The following CAPZA2 variants were observed in gnomAD, a reference collection of about 807,000 sequenced individuals.
CAPZA2 encodes the protein F-actin-capping protein subunit alpha-2.
A neutral mutation model predicts 44.0 loss-of-function variants in CAPZA2; 13 were observed. The observed-to-expected ratio is 0.30, with a 90% CI of 0.19 to 0.47. The LOEUF (loss-of-function observed/expected upper bound fraction) is 0.47. Ranked by LOEUF, CAPZA2 falls within the 20% of genes least tolerant of loss-of-function variation. CAPZA2 has a pLI of 1.00. For missense variants in CAPZA2, 244 were observed against 338.6 expected, an observed-to-expected ratio of 0.72 and a Z score of 2.19; for synonymous variants, 94 against 108.2, an observed-to-expected ratio of 0.87 and a Z score of 0.81.
rs1290581100 is a variant in CAPZA2, at chr7:116,921,253, G to A, written c.*3386G>A. 2.0e-5 allele frequency: 3 copies of A among 152,366 alleles called. No homozygotes were observed. Among genetic ancestry groups the A allele is most frequent in the Admixed American group, 6.6e-5 (1 of 15,264 alleles). The allele number at this position is 152,366 out of a possible 1,614,324, so 9.4% of individuals were successfully genotyped here. On this transcript the variant is annotated 3_prime_UTR_variant, in exon 10 of 10. Coordinates refer to ENST00000361183, the MANE Select transcript of CAPZA2 (RefSeq NM_006136.3). ...ACAAAAATTAGCTGGGCGTGGTGGT[G>A]TGCCTGTAGTCCCAGCTACTAGGGA...
At chr7:116,898,538 T>C (rs532663900) in intron 3 of CAPZA2, among the ~76,000 whole-genome samples, 40 of 152,266 alleles carry the variant, frequency 2.6e-4, no homozygotes, top group African/African-American at 9.1e-4. Context: ...TTATATTTAC[T>C]GATTTAATTT....
intron 3 of CAPZA2, among the ~76,000 whole-genome samples, chr7:116,893,644 A>G (rs1318101321): frequency 6.6e-6 from 1 of 152,228 alleles, no homozygotes; most frequent in Non-Finnish European, 1.5e-5. Flanking sequence ...CAAAGTTGGA[A>G]GAAATTGTGG....
At chr7:116,902,905 G>A (rs963979535) in intron 4 of CAPZA2, among the ~76,000 whole-genome samples, 2 of 151,956 alleles carry the variant, frequency 1.3e-5, no homozygotes, top group Non-Finnish European at 2.9e-5. Flanking sequence ...TAGAGATGAG[G>A]TCTTACTATG....
At chr7:116,881,491 G>A (rs886472100) in intron 1 of CAPZA2, among the ~76,000 whole-genome samples, 2 of 152,062 alleles carry the variant, frequency 1.3e-5, no homozygotes, top group African/African-American at 4.8e-5. Context: ...TGTAATCCCA[G>A]CACTTCGGGA....
chr7:116,879,096 A>G (rs1796656007), intron 1 of CAPZA2, among the ~76,000 whole-genome samples: 1 of 137,306 alleles, frequency 7.3e-6, no homozygotes, highest in South Asian at 2.5e-4. Context: ...ACTGCACTCC[A>G]GCCTGGCGAC....
At chr7:116,896,952 C>G (rs967366756) in intron 3 of CAPZA2, among the ~76,000 whole-genome samples, 3 of 152,110 alleles carry the variant, frequency 2.0e-5, no homozygotes, top group Non-Finnish European at 4.4e-5. Flanking sequence ...TATTATCACT[C>G]CTAGATGAGT....
intron 8 of CAPZA2, among the ~76,000 whole-genome samples, chr7:116,913,600 T>C (rs1313616254): frequency 6.6e-6 from 1 of 152,050 alleles, no homozygotes; most frequent in Non-Finnish European, 1.5e-5. Context: ...TCCTTGTTGA[T>C]TTTTGTTGGT....
intron 1 of CAPZA2, among the ~76,000 whole-genome samples, chr7:116,868,487 C>G (rs1796509766): frequency 6.6e-6 from 1 of 152,164 alleles, no homozygotes; most frequent in Non-Finnish European, 1.5e-5. Context: ...AACCCCAGCA[C>G]TTTGGGAGGC....
At chr7:116,885,045 C>T (rs1243957895) in intron 1 of CAPZA2, among the ~76,000 whole-genome samples, 26 of 152,234 alleles carry the variant, frequency 1.7e-4, no homozygotes, top group Non-Finnish European at 3.1e-4. Flanking sequence ...TACTCTTTGG[C>T]GGCGAAGTGT....
intron 6 of CAPZA2, chr7:116,906,549 T>G: frequency 1.2e-6 from 1 of 846,604 alleles, no homozygotes; most frequent in Non-Finnish European, 1.7e-6. Flanking sequence ...TGACATTCAG[T>G]GGAAAGAGTA....
intron 1 of CAPZA2, among the ~76,000 whole-genome samples, chr7:116,886,945 A>G (rs1324726257): frequency 6.6e-6 from 1 of 152,186 alleles, no homozygotes; most frequent in African/African-American, 2.4e-5. Context: ...AATAGGCTTT[A>G]TTCTCTTAAA....
intron 2 of CAPZA2, among the ~76,000 whole-genome samples, chr7:116,892,449 C>T (rs987754078): frequency 6.6e-6 from 1 of 151,814 alleles, no homozygotes; most frequent in African/African-American, 2.4e-5. Flanking sequence ...TTGAAGTCAC[C>T]TTCAAAAATA....
chr7:116,905,230 C>T (rs898577341), intron 5 of CAPZA2, among the ~76,000 whole-genome samples: 1 of 151,922 alleles, frequency 6.6e-6, no homozygotes, highest in Middle Eastern at 3.4e-3. Context: ...ATTATTTGTA[C>T]CCTGACAGGC....
intron 4 of CAPZA2, among the ~76,000 whole-genome samples, chr7:116,902,480 G>A (rs1372207379): frequency 1.3e-5 from 2 of 151,996 alleles, no homozygotes. Flanking sequence ...AGTAGTCAGT[G>A]GAATTAAAAT....
At chr7:116,881,555 CG>C (rs1796700731) in intron 1 of CAPZA2, among the ~76,000 whole-genome samples, 1 of 151,722 alleles carries the variant, frequency 6.6e-6, no homozygotes, top group African/African-American at 2.4e-5. Flanking sequence ...CTGGCTAACA[CG>C]GTGAAACCCC....
At chr7:116,913,716 G>T (rs908554200) in intron 8 of CAPZA2, among the ~76,000 whole-genome samples, 56 of 150,076 alleles carry the variant, frequency 3.7e-4, no homozygotes, top group African/African-American at 1.3e-3. Context: ...CATTCTCCCA[G>T]TTGAGCCTCC....
chr7:116,882,514 C>T (rs927704482), intron 1 of CAPZA2, among the ~76,000 whole-genome samples: 1 of 151,700 alleles, frequency 6.6e-6, no homozygotes, highest in Non-Finnish European at 1.5e-5. Context: ...ATAAGAAAAA[C>T]AAGATACGAA....
At chr7:116,881,791 A>C (rs1796707388) in intron 1 of CAPZA2, among the ~76,000 whole-genome samples, 1 of 140,460 alleles carries the variant, frequency 7.1e-6, no homozygotes, top group Admixed American at 7.3e-5. Flanking sequence ...CTTCCCCTCC[A>C]CCCCCGCCCT....
intron 8 of CAPZA2, among the ~76,000 whole-genome samples, chr7:116,914,465 A>G (rs949121253): frequency 2.8e-4 from 42 of 150,828 alleles, no homozygotes; most frequent in African/African-American, 1.0e-3. Context: ...ACACACACAC[A>G]CACACGTATT....
Sources: allele counts gnomAD v4.1 joint callset (sites outside exome capture counted in the v4.1 genomes callset), GRCh38; gene constraint gnomAD v4.1.1; transcripts MANE v1.5; gene names NCBI Gene and HGNC (gene_info 2026-07-23, HGNC 2026-07-21).